Variants in REXO1 observed in about 807,000 individuals in gnomAD.
REXO1 encodes the protein RNA exonuclease 1 homolog, also known as REX1, RNA exonuclease 1 homolog.
Under a neutral mutation model 102.6 loss-of-function variants are expected in REXO1, and 42 were observed. The observed-to-expected ratio is 0.41, with a 90% CI of 0.32 to 0.53. REXO1 has a LOEUF of 0.53. Among genes scored for constraint, REXO1 ranks in the 20% least tolerant of loss-of-function variants. The pLI is 0.27. For missense variants in REXO1, 1,819 were observed against 1,732.5 expected (o/e 1.05, Z -0.89); for synonymous variants, 908 against 779.1 (o/e 1.17, Z -2.76).
rs988941154 is a variant in REXO1, at chr19:1,817,109, CCCTG to C, written c.3201+106_3201+109del. 1.1e-5 allele frequency: 14 copies of C among 1,326,222 alleles called. No individual in the cohort carries two copies. In the African/African-American group the frequency reaches 1.2e-4, roughly 11 times the overall value. 82.2% of individuals were successfully genotyped at this position (1,326,222 alleles called of 1,614,324 possible). On this transcript the variant is annotated intron_variant, in intron 12 of 15. Coordinates refer to ENST00000170168, the MANE Select transcript of REXO1 (RefSeq NM_020695.4). Reference sequence around the variant, plus strand: ...ACAGGCACCGGTGCTGCGAGAGAAACCCTGAGCGCTGGCCGGTGAGCCAGGCCCA... The same window carrying C: ...ACAGGCACCGGTGCTGCGAGAGAAACAGCGCTGGCCGGTGAGCCAGGCCCA...
chr19:1,846,143 C>T (rs954202685), intron 1 of REXO1, among the ~76,000 whole-genome samples: 3 of 152,194 alleles, frequency 2.0e-5, no homozygotes, highest in Non-Finnish European at 2.9e-5. Context: ...GCCCTGTGCA[C>T]CCTAAAATCC....
rs764762814 is a variant in REXO1, at chr19:1,826,832, G to A, written c.1911+46C>T. 62 of 1,541,404 alleles carry A rather than the reference G, an allele frequency of 4.0e-5. No homozygotes were observed. Among genetic ancestry groups the A allele is most frequent in the Admixed American group, 6.3e-5 (3 of 47,524 alleles). Reference sequence around the variant, plus strand: ...ATAGAAGGTCTCTCACCAGGCCCTCGGCTCTGCCTCTGCCCGAGCCCAGCC... The same window carrying A: ...ATAGAAGGTCTCTCACCAGGCCCTCAGCTCTGCCTCTGCCCGAGCCCAGCC... On this transcript the variant is annotated intron_variant, in intron 2 of 15. Transcript: ENST00000170168. The surrounding 1 kb of genome is among the most constrained non-coding windows in gnomAD (Gnocchi z 4.3).
At chr19:1,847,912 CCCGGTGCCCGGT>C (rs2011624573) in intron 1 of REXO1, among the ~76,000 whole-genome samples, 1 of 152,230 alleles carries the variant, frequency 6.6e-6, no homozygotes, top group Non-Finnish European at 1.5e-5. Flanking sequence ...TTGTGTCAGG[CCCGGTGCCCGGT>C]ACTCAACATG....
intron 5 of REXO1, 53 bp from the exon 6 acceptor site, chr19:1,820,448 C>T (rs1314678661): frequency 3.9e-5 from 63 of 1,600,920 alleles, no homozygotes; most frequent in African/African-American, 6.7e-5. Context: ...AGGCCTCCAG[C>T]GGGGAACGCA....
chr19:1,831,845 CAAAAAAAAAAAAAAAAAAAAAAGAAA>C, intron 1 of REXO1, among the ~76,000 whole-genome samples: 1 of 51,302 alleles, frequency 1.9e-5, no homozygotes, highest in Non-Finnish European at 4.1e-5. Flanking sequence ...AACTCCATCT[CAAAAAAAAAAAAAAAAAAAAAAGAAA>C]GAAAAAGAAA....
chr19:1,825,470 C>CT (rs1016195658), intron 3 of REXO1, among the ~76,000 whole-genome samples: 1 of 138,810 alleles, frequency 7.2e-6, no homozygotes, highest in Non-Finnish European at 1.6e-5. Context: ...GCAAGACCCC[C>CT]TTTTTTTATA....
chr19:1,819,129 T>C lies in REXO1; in HGVS notation c.2653A>G (p.Thr885Ala). The C allele has an allele frequency of 6.4e-7, 1 of 1,561,910 alleles. No individual in the cohort carries two copies. The highest frequency in any genetic ancestry group is 8.7e-7 in the Non-Finnish European group (1 of 1,151,212). ...APSAVPGLSK[T>A]SGRRVVSHEV... The stretch of plus-strand genomic sequence containing the variant: ...TGGGACACAACCCTGCGGCCACTGG[T>C]TTCTGGAAGGAAGGGAGGGAGGGGA... Residue 885 changes from threonine (T) to alanine (A), a missense_variant and splice_region_variant, in exon 8 of 16, where the codon ACC becomes GCC. Coordinates refer to ENST00000170168, the MANE Select transcript of REXO1 (RefSeq NM_020695.4).
intron 3 of REXO1, 84 bp downstream of exon 3, chr19:1,825,755 C>T (rs561148051): frequency 1.9e-5 from 18 of 931,702 alleles, no homozygotes; most frequent in African/African-American, 6.9e-5. Context: ...GGATTACAGG[C>T]GTGAGCCACC....
chr19:1,818,554 C>G lies in REXO1; in HGVS notation c.2944G>C (p.Val982Leu). The change falls in exon 10 of 16, where the codon GTG (valine) becomes CTG (leucine). Residue 982 changes from valine (V) to leucine (L), a missense_variant. Physicochemically the swap from Val to Leu is conservative, Grantham distance 32. Transcript: ENST00000170168. ...TCCRCGTEYLVSSSGRCIRDE... is the reference protein window; with the variant it reads ...TCCRCGTEYLLSSSGRCIRDE... Reference sequence around the variant, plus strand: ...CGGATGCAGCGGCCTGAAGAGGACACGAGGTACTCGGTGCCACAGCGGCAG... The same window carrying G: ...CGGATGCAGCGGCCTGAAGAGGACAGGAGGTACTCGGTGCCACAGCGGCAG... 1.2e-6 allele frequency: 2 copies of G among 1,611,980 alleles called. No individual in the cohort carries two copies. The highest frequency in any genetic ancestry group is 1.7e-6 in the Non-Finnish European group (2 of 1,179,708).
At chr19:1,821,418 C>G in intron 5 of REXO1, 101 bp downstream of exon 5, 2 of 1,432,158 alleles carry the variant, frequency 1.4e-6, no homozygotes, top group South Asian at 2.4e-5. Context: ...CACGAAGGCC[C>G]GCAGGGCAGG....
intron 1 of REXO1, among the ~76,000 whole-genome samples, chr19:1,832,073 C>A (rs955516501): frequency 6.6e-6 from 1 of 152,080 alleles, no homozygotes; most frequent in African/African-American, 2.4e-5. Flanking sequence ...TTGCATTATC[C>A]GGGAACCCAG....
chr19:1,832,388 T>G (rs2069930815), intron 1 of REXO1, among the ~76,000 whole-genome samples: 1 of 152,120 alleles, frequency 6.6e-6, no homozygotes, highest in African/African-American at 2.4e-5. Flanking sequence ...GAAAGTGCAG[T>G]GGAAAACAGC....
Position 1,821,597 on chromosome 19 carries a change from T to C in REXO1, c.2316A>G (p.Thr772=), listed in dbSNP as rs769669582. Residue 772 remains threonine, a synonymous_variant, in exon 5 of 16, where the codon ACA becomes ACG. Coordinates refer to ENST00000170168, the MANE Select transcript of REXO1 (RefSeq NM_020695.4). The part of the protein sequence containing the change: ...GPEPGGQQLK[T]RTLSGMASKT... ...TGGACGCCATCCCCGACAATGTGCG[T>C]GTTTTCAGCTGCTGGCCACCTGGCT... The C allele has an allele frequency of 1.2e-5, 20 of 1,613,824 alleles. No individual in the cohort carries two copies. In the Admixed American group the frequency reaches 2.7e-4, roughly 22 times the overall value.
At position 1,827,869 on chromosome 19, in the gene REXO1, G is replaced by T; in HGVS notation, c.920C>A (p.Pro307His). The T allele has an allele frequency of 6.2e-7, 1 of 1,613,596 alleles. No individual in the cohort carries two copies. Residue 307 changes from proline (P) to histidine (H), a missense_variant, in exon 2 of 16, where the codon CCC becomes CAC. Physicochemically the swap from Pro to His is moderately conservative, Grantham distance 77. Transcript: ENST00000170168. ...PGNEPTTASTPKARADPEIKA... is the reference protein window; with the variant it reads ...PGNEPTTASTHKARADPEIKA... ...GATCTCAGGGTCGGCCCTGGCTTTGGGGGTGCTGGCCGTGGTGGGCTCGTT... is the reference window on the plus strand; with the variant it reads ...GATCTCAGGGTCGGCCCTGGCTTTGTGGGTGCTGGCCGTGGTGGGCTCGTT...
At position 1,815,779 on chromosome 19, in the gene REXO1, G is replaced by T. The variant is rs986031770; in HGVS notation, c.*287C>A. Reference sequence around the variant, plus strand: ...GGGCCTGGCAGGAGGGGCAGGAGGGGCTGCGGGCCGGGTGGGGGCGGGCTC... The same window carrying T: ...GGGCCTGGCAGGAGGGGCAGGAGGGTCTGCGGGCCGGGTGGGGGCGGGCTC... On this transcript the variant is annotated 3_prime_UTR_variant, in exon 16 of 16. Coordinates refer to ENST00000170168, the MANE Select transcript of REXO1 (RefSeq NM_020695.4). The surrounding 1 kb of genome is among the most constrained non-coding windows in gnomAD (Gnocchi z 4.0). 6 of 1,447,634 alleles carry T rather than the reference G, an allele frequency of 4.1e-6. No individual in the cohort carries two copies. In the African/African-American group the frequency reaches 7.0e-5, roughly 17 times the overall value. The allele number at this position is 1,447,634 out of a possible 1,614,324, so 89.7% of individuals were successfully genotyped here.
At chr19:1,832,536 T>C (rs1034374700) in intron 1 of REXO1, among the ~76,000 whole-genome samples, 1 of 152,190 alleles carries the variant, frequency 6.6e-6, no homozygotes, top group African/African-American at 2.4e-5. Flanking sequence ...CGCCTTTCCC[T>C]TGAAATCACA....
At chr19:1,842,880 C>G (rs1377089942) in intron 1 of REXO1, among the ~76,000 whole-genome samples, 1 of 152,246 alleles carries the variant, frequency 6.6e-6, no homozygotes, top group Non-Finnish European at 1.5e-5. Flanking sequence ...CACCCAGAGA[C>G]CCGTGGCAAC....
chr19:1,818,563 C>A lies in REXO1; in HGVS notation c.2935G>T (p.Glu979Ter). The A allele has an allele frequency of 6.2e-7, 1 of 1,611,752 alleles. No homozygotes were observed. The highest frequency in any genetic ancestry group is 8.5e-7 in the Non-Finnish European group (1 of 1,179,618). Residue 979 changes from glutamate (E) to a stop codon, truncating the protein, a stop_gained, in exon 10 of 16, where the codon GAG (glutamate) becomes TAG (stop). Transcript: ENST00000170168. LOFTEE classifies it high-confidence loss of function. ...CGGCCTGAAGAGGACACGAGGTACTCGGTGCCACAGCGGCAGCAGGTCCTG... is the reference window on the plus strand; with the variant it reads ...CGGCCTGAAGAGGACACGAGGTACTAGGTGCCACAGCGGCAGCAGGTCCTG... Reference protein sequence around the residue: ...SCRTCCRCGTEYLVSSSGRCI... With the variant: ...SCRTCCRCGT
At chr19:1,823,127 C>T in intron 4 of REXO1, 1 of 165,136 alleles carries the variant, frequency 6.1e-6, no homozygotes. Flanking sequence ...GGGGGAAGTG[C>T]CCCTCGGAGT....
Sources: allele counts gnomAD v4.1 joint callset (sites outside exome capture counted in the v4.1 genomes callset), GRCh38; gene constraint gnomAD v4.1.1; non-coding constraint Gnocchi (gnomAD v3.1); transcripts MANE v1.5; gene names NCBI Gene and HGNC (gene_info 2026-07-23, HGNC 2026-07-21).